The following EIF4E2 variants were observed in gnomAD, a reference collection of about 807,000 sequenced individuals.
EIF4E2 encodes the protein eukaryotic translation initiation factor 4E family member 2.
Under a neutral mutation model 34.2 loss-of-function variants are expected in EIF4E2, and 13 were observed. The ratio of observed to expected loss-of-function variants is 0.38; its 90% CI spans 0.25 to 0.60. EIF4E2 has a LOEUF of 0.60. Among genes scored for constraint, EIF4E2 ranks in the 20% least tolerant of loss-of-function variants. The probability of loss-of-function intolerance (pLI) is 0.62; values close to 1 mark genes in which losing one functional copy is unlikely to be tolerated. For missense variants in EIF4E2, 222 were observed against 315.1 expected, an observed-to-expected ratio of 0.70 and a Z score of 2.24; for synonymous variants, 100 against 106.6, an observed-to-expected ratio of 0.94 and a Z score of 0.38.
intron 3 of EIF4E2, 32 bp from the exon 4 acceptor site, chr2:232,564,215 A>G (rs1387776543): frequency 2.1e-6 from 3 of 1,441,586 alleles, no homozygotes; most frequent in Non-Finnish European, 2.9e-6. Flanking sequence ...TAAAAGACAC[A>G]TGTTTTTTAC....
chr2:232,582,606 A>G (rs1486321203), exon 7 of EIF4E2: 1 of 152,134 alleles, frequency 6.6e-6, no homozygotes, highest in Non-Finnish European at 1.5e-5. Context: ...GTCTTTGAAG[A>G]CCCCAGGGAG....
intron 6 of EIF4E2, among the ~76,000 whole-genome samples, chr2:232,576,648 A>T (rs1693229431): frequency 6.6e-6 from 1 of 152,196 alleles, no homozygotes; most frequent in East Asian, 1.9e-4. Context: ...ATGAATTTAC[A>T]CAGCAACAAC....
intron 1 of EIF4E2, among the ~76,000 whole-genome samples, chr2:232,552,210 C>T (rs887210564): frequency 6.6e-6 from 1 of 151,520 alleles, no homozygotes; most frequent in South Asian, 2.1e-4. Context: ...AGGTATTTTT[C>T]ATATATATAT....
intron 4 of EIF4E2, among the ~76,000 whole-genome samples, 162 bp downstream of exon 4, chr2:232,564,513 C>T (rs1027347696): frequency 3.3e-5 from 5 of 152,210 alleles, no homozygotes; most frequent in Admixed American, 1.3e-4. Flanking sequence ...CGCAGTGGCG[C>T]GATCTCGGCT....
Position 232,566,180 on chromosome 2 carries a change from GTTGTT to G in EIF4E2, c.376-631_376-627del, listed in dbSNP as rs796901938. Among the ~76,000 whole-genome samples the G allele has an allele frequency of 2.6e-5, 4 of 151,818 alleles. No individual in the cohort carries two copies. Among genetic ancestry groups the G allele is most frequent in the African/African-American group, 9.7e-5 (4 of 41,336 alleles). Reference sequence around the variant, plus strand: ...GTCAGTACTTTTTTTTGTCGTCGTTGTTGTTTTGTTTTGTTTTGTTTTTTGAGACG... The same window carrying G: ...GTCAGTACTTTTTTTTGTCGTCGTTGTTGTTTTGTTTTGTTTTTTGAGACG... On this transcript the variant is annotated intron_variant, in intron 4 of 6. Transcript: ENST00000258416. The surrounding 1 kb of genome is among the most constrained non-coding windows in gnomAD (Gnocchi z 4.9).
chr2:232,550,863 T>C, intron 1 of EIF4E2, 119 bp downstream of exon 1: 1 of 1,049,144 alleles, frequency 9.5e-7, no homozygotes. Context: ...GGGATCCGGC[T>C]GCGGCCGGAC....
chr2:232,573,925 T>TTGGAAGTGTTTTTGG, downstream of EIF4E2: 1 of 463,870 alleles, frequency 2.2e-6, no homozygotes, highest in East Asian at 4.9e-5. Context: ...CCACTGTAAA[T>TTGGAAGTGTTTTTGG]TGGAAGTGTT....
chr2:232,556,162 A>C (rs11695680), intron 1 of EIF4E2, among the ~76,000 whole-genome samples: 3 of 152,168 alleles, frequency 2.0e-5, no homozygotes, highest in Non-Finnish European at 4.4e-5. Flanking sequence ...ATTCCCTTTA[A>C]CTGGTTCTTT....
At chr2:232,552,822 T>G (rs568765868) in intron 1 of EIF4E2, among the ~76,000 whole-genome samples, 1 of 152,248 alleles carries the variant, frequency 6.6e-6, no homozygotes, top group Non-Finnish European at 1.5e-5. Flanking sequence ...AAACAAGCTT[T>G]CTTTCATTTG....
rs1692923814 is a variant in EIF4E2 at position 232,566,163 on chromosome 2, T to A, written c.376-666T>A. Reference sequence around the variant, plus strand: ...CTTGGTATGTAGTGACAGTCAGTACTTTTTTTTGTCGTCGTTGTTGTTTTG... The same window carrying A: ...CTTGGTATGTAGTGACAGTCAGTACATTTTTTTGTCGTCGTTGTTGTTTTG... On this transcript the variant is annotated intron_variant, in intron 4 of 6. Transcript: ENST00000258416. The surrounding 1 kb of genome is among the most constrained non-coding windows in gnomAD (Gnocchi z 4.9). Among the ~76,000 whole-genome samples, 1 of 151,924 alleles carries A rather than the reference T, an allele frequency of 6.6e-6. No homozygotes were observed. Among genetic ancestry groups the A allele is most frequent in the Non-Finnish European group, 1.5e-5 (1 of 67,960 alleles).
downstream of EIF4E2, among the ~76,000 whole-genome samples, chr2:232,572,388 T>C (rs1422930390): frequency 1.3e-5 from 2 of 152,158 alleles, no homozygotes; most frequent in African/African-American, 4.8e-5. Flanking sequence ...TTTTCTGAGA[T>C]GGAGTCTCAC....
intron 6 of EIF4E2, chr2:232,567,814 T>G (rs1692987633): frequency 1.0e-6 from 1 of 985,486 alleles, no homozygotes; most frequent in African/African-American, 1.7e-5. Flanking sequence ...CTGTCCACAG[T>G]GAGAATCACT....
intron 1 of EIF4E2, among the ~76,000 whole-genome samples, chr2:232,553,263 G>A (rs1692408882): frequency 1.3e-5 from 1 of 79,224 alleles, no homozygotes; most frequent in South Asian, 3.8e-4. Context: ...CTTAAACATA[G>A]TTTTCAGATC....
At chr2:232,567,584 C>T in intron 6 of EIF4E2, 2 of 1,194,250 alleles carry the variant, frequency 1.7e-6, no homozygotes, top group Non-Finnish European at 2.1e-6. Flanking sequence ...ACCCTCACCC[C>T]ACTTCTGCAT....
intron 3 of EIF4E2, 184 bp downstream of exon 3, chr2:232,558,202 G>A: frequency 1.6e-6 from 1 of 633,514 alleles, no homozygotes. Flanking sequence ...TGGTTAGCAT[G>A]TAGGTATCAA....
At chr2:232,553,241 C>T (rs1692407587) in intron 1 of EIF4E2, among the ~76,000 whole-genome samples, 1 of 140,764 alleles carries the variant, frequency 7.1e-6, no homozygotes, top group Non-Finnish European at 1.5e-5. Context: ...TTCACAAAAA[C>T]TGCAGTCCTG....
At chr2:232,563,829 A>G (rs1038977198) in intron 3 of EIF4E2, among the ~76,000 whole-genome samples, 2 of 152,228 alleles carry the variant, frequency 1.3e-5, no homozygotes, top group Non-Finnish European at 2.9e-5. Flanking sequence ...TGGTTCTAAA[A>G]AATGCATTCA....
intron 6 of EIF4E2, chr2:232,574,334 C>T: frequency 6.4e-7 from 1 of 1,550,596 alleles, no homozygotes; most frequent in Non-Finnish European, 8.7e-7. Context: ...CTGTCTCTCA[C>T]ACTCAGGGTA....
At chr2:232,552,780 C>G (rs1692390422) in intron 1 of EIF4E2, among the ~76,000 whole-genome samples, 1 of 146,032 alleles carries the variant, frequency 6.8e-6, no homozygotes, top group East Asian at 2.0e-4. Flanking sequence ...CTTTTAACAT[C>G]TGCCCTCTAG....
Sources: gnomAD v4.1 joint callset for allele counts (sites outside exome capture counted in the v4.1 genomes callset) on GRCh38, gnomAD v4.1.1 for gene constraint, Gnocchi (gnomAD v3.1) non-coding constraint, MANE v1.5 for transcripts, NCBI Gene and HGNC (gene_info 2026-07-23, HGNC 2026-07-21) for gene names.